Variants in KDM2A observed in about 807,000 individuals in gnomAD.
KDM2A encodes lysine-specific demethylase 2A.
KDM2A carries 3 observed loss-of-function variants against 137.3 expected under a neutral mutation model. The ratio of observed to expected loss-of-function variants is 0.02; its 90% CI spans 0.01 to 0.06. The LOEUF is 0.06. KDM2A is among the 10% of genes least tolerant of loss of function. The pLI is 1.00. For synonymous variants in KDM2A, 512 were observed against 541.5 expected (o/e 0.95, Z 0.76); for missense variants, 738 against 1,510.6 (o/e 0.49, Z 8.48).
At chr11:67,240,387 C>T in intron 12 of KDM2A, 2 of 1,531,654 alleles carry the variant, frequency 1.3e-6, no homozygotes, top group Non-Finnish European at 8.7e-7. Context: ...GGTCGATCGG[C>T]AAACCCTTTC....
chr11:67,143,617 C>T (rs1176994403), intron 2 of KDM2A, among the ~76,000 whole-genome samples: 1 of 151,710 alleles, frequency 6.6e-6, no homozygotes, highest in East Asian at 1.9e-4. Flanking sequence ...CTGTCTTTCT[C>T]TTTTTATTTA....
intron 2 of KDM2A, among the ~76,000 whole-genome samples, chr11:67,156,646 G>A (rs1856521441): frequency 6.6e-6 from 1 of 151,524 alleles, no homozygotes; most frequent in Non-Finnish European, 1.5e-5. Flanking sequence ...GTGAACCCGG[G>A]AGGCTGAGCT....
chr11:67,144,558 T>G (rs1208308683), intron 2 of KDM2A, among the ~76,000 whole-genome samples: 4 of 149,806 alleles, frequency 2.7e-5, no homozygotes, highest in Non-Finnish European at 5.9e-5. Context: ...GGCCCCAACA[T>G]TTTTTTTAAT....
At chr11:67,251,955 T>C (rs1358278293) in intron 17 of KDM2A, among the ~76,000 whole-genome samples, 1 of 152,232 alleles carries the variant, frequency 6.6e-6, no homozygotes, top group Non-Finnish European at 1.5e-5. Flanking sequence ...CGTTATGTGC[T>C]GTCTCTCTTC....
At chr11:67,238,722 C>T (rs1858940169) in intron 12 of KDM2A, among the ~76,000 whole-genome samples, 2 of 152,172 alleles carry the variant, frequency 1.3e-5, no homozygotes, top group African/African-American at 4.8e-5. Context: ...AATAAGAATG[C>T]TTAAGAGCTA....
At chr11:67,149,267 A>C (rs144066374) in intron 2 of KDM2A, 4 of 152,078 alleles carry the variant, frequency 2.6e-5, no homozygotes, top group African/African-American at 7.2e-5. Flanking sequence ...GTACTTCTTA[A>C]CCTTTCTGAG....
chr11:67,252,462 G>A (rs1041077246), intron 17 of KDM2A: 10 of 538,710 alleles, frequency 1.9e-5, no homozygotes, highest in African/African-American at 1.3e-4. Context: ...GGGTAAAGTG[G>A]TCAAGTTATA....
At chr11:67,203,646 C>T (rs908584029) in intron 5 of KDM2A, among the ~76,000 whole-genome samples, 18 of 151,402 alleles carry the variant, frequency 1.2e-4, no homozygotes, top group South Asian at 8.3e-4. Flanking sequence ...CCCAGCTACT[C>T]AGGAGGCTGA....
chr11:67,224,591 C>T (rs1340637612), intron 10 of KDM2A, among the ~76,000 whole-genome samples: 4 of 150,878 alleles, frequency 2.7e-5, no homozygotes, highest in African/African-American at 9.8e-5. Context: ...CCTCAGCCTC[C>T]CGAGTAGCTG....
At chr11:67,131,977 G>C (rs180984294) in intron 2 of KDM2A, 1 of 152,272 alleles carries the variant, frequency 6.6e-6, no homozygotes, top group Admixed American at 6.5e-5. Flanking sequence ...CTCTGTCTGT[G>C]AGTACTTGGT....
At chr11:67,214,600 A>G (rs1043949127) in intron 6 of KDM2A, among the ~76,000 whole-genome samples, 2 of 152,084 alleles carry the variant, frequency 1.3e-5, no homozygotes, top group African/African-American at 2.4e-5. Flanking sequence ...TGGCCTCCCA[A>G]AGTGTTGGGG....
intron 11 of KDM2A, among the ~76,000 whole-genome samples, chr11:67,228,660 T>C (rs918945979): frequency 7.2e-6 from 1 of 139,830 alleles, no homozygotes; most frequent in Non-Finnish European, 1.5e-5. Context: ...CACTCTAGCC[T>C]GGGCGACAGA....
chr11:67,229,537 T>C (rs1310303782), intron 11 of KDM2A, among the ~76,000 whole-genome samples: 4 of 152,212 alleles, frequency 2.6e-5, no homozygotes, highest in African/African-American at 4.8e-5. Context: ...CATTTTACTT[T>C]TACTGCATAA....
chr11:67,179,667 T>C (rs1291163690), intron 2 of KDM2A, among the ~76,000 whole-genome samples: 1 of 152,240 alleles, frequency 6.6e-6, no homozygotes, highest in Non-Finnish European at 1.5e-5. Context: ...TTGAGATTGC[T>C]TTACCAAGCT....
chr11:67,232,764 A>G (rs1030590475), intron 12 of KDM2A, among the ~76,000 whole-genome samples: 1 of 151,368 alleles, frequency 6.6e-6, no homozygotes, highest in African/African-American at 2.4e-5. Flanking sequence ...TTGGAGTGCA[A>G]TGGCAAGATC....
At chr11:67,142,897 AATT>A (rs1364487571) in intron 2 of KDM2A, among the ~76,000 whole-genome samples, 1 of 151,988 alleles carries the variant, frequency 6.6e-6, no homozygotes, top group African/African-American at 2.4e-5. Context: ...AAGCTTCAAC[AATT>A]ATCAAAACTT....
chr11:67,135,607 T>G, intron 2 of KDM2A, among the ~76,000 whole-genome samples: 1 of 152,240 alleles, frequency 6.6e-6, no homozygotes, highest in Non-Finnish European at 1.5e-5. Context: ...ATGACTCGTT[T>G]CTGAGAGTGA....
At chr11:67,227,818 G>A (rs966632090) in intron 10 of KDM2A, among the ~76,000 whole-genome samples, 4 of 152,056 alleles carry the variant, frequency 2.6e-5, no homozygotes, top group East Asian at 1.9e-4. Context: ...TGATCCACCC[G>A]TCTGGGCCTC....
intron 2 of KDM2A, among the ~76,000 whole-genome samples, chr11:67,146,800 G>A (rs1369819693): frequency 6.6e-6 from 1 of 152,060 alleles, no homozygotes; most frequent in Non-Finnish European, 1.5e-5. Flanking sequence ...ACCGTGCCTG[G>A]AACATTCTTT....
Sources: gnomAD v4.1 joint callset for allele counts (sites outside exome capture counted in the v4.1 genomes callset) on GRCh38, gnomAD v4.1.1 for gene constraint, MANE v1.5 for transcripts, NCBI Gene and HGNC (gene_info 2026-07-23, HGNC 2026-07-21) for gene names.